CFAP69: variants seen among roughly 807,000 people sequenced by gnomAD.
CFAP69 encodes the protein cilia and flagella associated protein 69.
CFAP69 carries 92 observed loss-of-function variants against 123.0 expected under a neutral mutation model. The ratio of observed to expected loss-of-function variants is 0.75; its 90% CI spans 0.63 to 0.89. The LOEUF (loss-of-function observed/expected upper bound fraction) is 0.89. CFAP69 is among the 40% of genes least tolerant of loss of function. The probability of loss-of-function intolerance (pLI) is 0.00; values close to 1 mark genes in which losing one functional copy is unlikely to be tolerated. For synonymous variants in CFAP69, 380 were observed against 364.3 expected, an observed-to-expected ratio of 1.04 and a Z score of -0.49; for missense variants, 1,067 against 1,096.9, an observed-to-expected ratio of 0.97 and a Z score of 0.39.
intron 21 of CFAP69, among the ~76,000 whole-genome samples, chr7:90,308,517 T>C (rs1370584066): frequency 2.6e-5 from 4 of 152,178 alleles, no homozygotes. Context: ...GGATAGACTT[T>C]ACCTAATGTT....
At chr7:90,265,490 GATC>G (rs1470032779) in intron 5 of CFAP69, 113 bp downstream of exon 5, 1 of 656,314 alleles carries the variant, frequency 1.5e-6, no homozygotes, top group African/African-American at 1.8e-5. Flanking sequence ...CCATGTCTAG[GATC>G]TTCTCTTGTT....
At chr7:90,272,185 A>G (rs1800052112) in intron 8 of CFAP69, 1 of 376,562 alleles carries the variant, frequency 2.7e-6, no homozygotes, top group Non-Finnish European at 4.7e-6. Flanking sequence ...ACTAAAATAT[A>G]ACTTGGAATA....
At chr7:90,284,939 T>C (rs566393606) in intron 13 of CFAP69, among the ~76,000 whole-genome samples, 7 of 152,324 alleles carry the variant, frequency 4.6e-5, no homozygotes, top group Admixed American at 2.0e-4. Flanking sequence ...AGTGAGGTTA[T>C]ATGTACAATG....
chr7:90,321,859 G>T, the CFAP69 span, among the ~76,000 whole-genome samples: 1 of 152,124 alleles, frequency 6.6e-6, no homozygotes, highest in Non-Finnish European at 1.5e-5. Flanking sequence ...TATGTATGTT[G>T]TCCATCAATC....
intron 1 of CFAP69, 120 bp downstream of exon 1, chr7:90,245,664 C>A: frequency 7.9e-7 from 1 of 1,264,804 alleles, no homozygotes; most frequent in Non-Finnish European, 1.1e-6. Flanking sequence ...TGGGGGAAGC[C>A]GCGGGATGGA....
chr7:90,266,936 A>G (rs1584377433), intron 5 of CFAP69, among the ~76,000 whole-genome samples: 1 of 152,154 alleles, frequency 6.6e-6, no homozygotes, highest in East Asian at 1.9e-4. Flanking sequence ...TGGATGGGGG[A>G]AGAAGTTGGT....
At chr7:90,288,759 A>C (rs1562898833) in intron 15 of CFAP69, among the ~76,000 whole-genome samples, 3 of 152,170 alleles carry the variant, frequency 2.0e-5, no homozygotes, top group Non-Finnish European at 4.4e-5. Flanking sequence ...TGGGGAATGA[A>C]TGTGAAGGCT....
At chr7:90,256,523 T>TAA (rs563875319) in intron 2 of CFAP69, among the ~76,000 whole-genome samples, 1 of 128,302 alleles carries the variant, frequency 7.8e-6, no homozygotes, top group Non-Finnish European at 1.7e-5. Context: ...ACTTAAAGTA[T>TAA]AAAAAAAAAA....
intron 1 of CFAP69, among the ~76,000 whole-genome samples, chr7:90,248,745 T>C (rs1429703635): frequency 6.6e-6 from 1 of 152,204 alleles, no homozygotes; most frequent in African/African-American, 2.4e-5. Flanking sequence ...AGCGTCTTCT[T>C]TTTTAAAGTG....
chr7:90,314,248 A>C (rs1794573989), downstream of CFAP69, among the ~76,000 whole-genome samples: 3 of 152,186 alleles, frequency 2.0e-5, no homozygotes, highest in Non-Finnish European at 2.9e-5. Flanking sequence ...TGAAATCTGA[A>C]TAAAATAGGA....
At position 90,304,882 on chromosome 7, in the gene CFAP69, T is replaced by A. The variant is rs1584543768; in HGVS notation, c.2265+62T>A. 6 of 1,092,518 alleles carry A rather than the reference T, an allele frequency of 5.5e-6. No homozygotes were observed. The Admixed American group carries it at 6.5e-5, about 12-fold the overall frequency. 67.7% of individuals were successfully genotyped at this position (1,092,518 alleles called of 1,614,324 possible). A position where few individuals can be genotyped will look rare whatever the true frequency, so the allele number is the denominator to read the frequency against. ...AGATAGCAAAAAATTAACTGGAAAA[T>A]AAAATATCTATTCATGGTTGTGAGC... On this transcript the variant is annotated intron_variant, in intron 19 of 22. Transcript: ENST00000389297.
At chr7:90,258,048 CT>C (rs1471915510) in intron 2 of CFAP69, 49 bp from the exon 3 acceptor site, 1 of 1,346,154 alleles carries the variant, frequency 7.4e-7, no homozygotes, top group African/African-American at 1.5e-5. Context: ...TTTTTAAAAT[CT>C]CAACAGATTT....
At chr7:90,287,890 C>T (rs1418846417) in intron 14 of CFAP69, 1 of 378,802 alleles carries the variant, frequency 2.6e-6, no homozygotes, top group Non-Finnish European at 3.7e-6. Context: ...ATTGATCTGA[C>T]ATAATGCTAG....
chr7:90,306,549 G>A (rs1472243828), intron 19 of CFAP69, among the ~76,000 whole-genome samples: 1 of 152,166 alleles, frequency 6.6e-6, no homozygotes, highest in Non-Finnish European at 1.5e-5. Context: ...CTTTAGGGAG[G>A]AAAGTAACGA....
intron 13 of CFAP69, among the ~76,000 whole-genome samples, chr7:90,285,210 A>G (rs1407625923): frequency 6.6e-6 from 1 of 152,128 alleles, no homozygotes; most frequent in African/African-American, 2.4e-5. Context: ...GGCATACCCC[A>G]GCACTGGGCC....
intron 4 of CFAP69, among the ~76,000 whole-genome samples, chr7:90,263,244 T>C (rs1446448303): frequency 2.0e-5 from 3 of 152,194 alleles, no homozygotes; most frequent in Non-Finnish European, 4.4e-5. Context: ...TCATATTTCA[T>C]AATTATTCAC....
At position 90,299,866 on chromosome 7, in the gene CFAP69, G is replaced by C; in HGVS notation, c.1858-1G>C. ...TTTCCTTTTCTGTTTCCTTGCTAAA[G>C]TTGAACCAAAAAAAATTCTGTAATC... On this transcript the variant is annotated splice_acceptor_variant, in intron 16 of 22. Transcript: ENST00000389297. LOFTEE classifies it high-confidence loss of function. The C allele has an allele frequency of 6.3e-7, 1 of 1,591,578 alleles. No individual in the cohort carries two copies. The highest frequency in any genetic ancestry group is 8.5e-7 in the Non-Finnish European group (1 of 1,170,098).
At chr7:90,264,936 G>A (rs998568191) in intron 4 of CFAP69, among the ~76,000 whole-genome samples, 2 of 151,938 alleles carry the variant, frequency 1.3e-5, no homozygotes, top group African/African-American at 4.8e-5. Flanking sequence ...TGGGACTACA[G>A]GTGCACGCCA....
chr7:90,322,749 G>A, the CFAP69 span, among the ~76,000 whole-genome samples: 1 of 152,118 alleles, frequency 6.6e-6, no homozygotes, highest in Non-Finnish European at 1.5e-5. Flanking sequence ...CATTTTTAAA[G>A]AATATTCTAA....
Sources: allele counts gnomAD v4.1 joint callset (sites outside exome capture counted in the v4.1 genomes callset), GRCh38; gene constraint gnomAD v4.1.1; transcripts MANE v1.5; gene names NCBI Gene and HGNC (gene_info 2026-07-23, HGNC 2026-07-21).